The following NLGN4X variants were observed in gnomAD, a reference collection of about 807,000 sequenced individuals.
The protein encoded by NLGN4X is neuroligin 4 X-linked.
In NLGN4X, 3 loss-of-function variants were observed where a neutral mutation model predicts 40.3. The ratio of observed to expected loss-of-function variants is 0.07; its 90% CI spans 0.03 to 0.19. NLGN4X has a LOEUF of 0.19. NLGN4X is among the 10% of genes least tolerant of loss of function. The pLI is 1.00. For synonymous variants in NLGN4X, 270 were observed against 306.8 expected, an observed-to-expected ratio of 0.88 and a Z score of 1.25; for missense variants, 382 against 708.3, an observed-to-expected ratio of 0.54 and a Z score of 5.23.
At chrX:6,027,955 T>G (rs1420801991) in intron 3 of NLGN4X, among the ~76,000 whole-genome samples, 1 of 110,141 alleles carries the variant, frequency 9.1e-6, no homozygotes, top group Non-Finnish European at 1.9e-5. Flanking sequence ...TAGCTGGGAT[T>G]ACAGGCGCCT....
chrX:5,956,167 A>G (rs999640724), intron 3 of NLGN4X, among the ~76,000 whole-genome samples: 33 of 107,872 alleles, frequency 3.1e-4, no homozygotes, highest in African/African-American at 1.1e-3. Flanking sequence ...AATATGAAAT[A>G]TATATATTTA....
intron 3 of NLGN4X, among the ~76,000 whole-genome samples, chrX:5,975,591 C>T (rs753774049): frequency 1.2e-4 from 11 of 90,487 alleles, no homozygotes; most frequent in African/African-American, 5.0e-4. Flanking sequence ...CCAGCCTGGG[C>T]GACAAAGCAA....
chrX:6,086,095 T>C (rs776806705), intron 2 of NLGN4X, among the ~76,000 whole-genome samples: 162 of 112,028 alleles, frequency 1.4e-3, no homozygotes, highest in African/African-American at 5.1e-3. Flanking sequence ...TAGGTTATGA[T>C]TGCATGAAGC....
intron 3 of NLGN4X, among the ~76,000 whole-genome samples, chrX:5,939,434 G>A: frequency 9.0e-6 from 1 of 111,072 alleles, no homozygotes; most frequent in Non-Finnish European, 1.9e-5. Flanking sequence ...CTGGTTTAGG[G>A]TTAATGCTAA....
Position 6,076,488 on chromosome X carries a change from T to G in NLGN4X, c.473-47056A>C, listed in dbSNP as rs530011936. On this transcript the variant is annotated intron_variant, in intron 2 of 5. Transcript: ENST00000381095. ...TGGCAATTTTTCTGGTTGTTCTCAT[T>G]GTTTGTTTCAGAGTTCCATGAAAGG... is the stretch of plus-strand genomic sequence containing the variant. Among the ~76,000 whole-genome samples, 5 of 112,053 alleles carry G rather than the reference T, an allele frequency of 4.5e-5. No homozygotes were observed. The South Asian group carries it at 1.9e-3, about 42-fold the overall frequency.
At chrX:6,101,471 G>A (rs1386782640) in intron 2 of NLGN4X, among the ~76,000 whole-genome samples, 1 of 112,065 alleles carries the variant, frequency 8.9e-6, no homozygotes, top group Non-Finnish European at 1.9e-5. Flanking sequence ...TATACACAAT[G>A]GAGTATTGTT....
At position 5,941,178 on chromosome X, in the gene NLGN4X, GGGGTGTGTGTGTGT is replaced by G. The variant is rs1343730614; in HGVS notation, c.626-31953_626-31940del. 5.2e-3 allele frequency among the ~76,000 whole-genome samples: 268 copies of G among 51,990 alleles called. 3 individuals carry two copies. The highest frequency in any genetic ancestry group is 0.023 in the Middle Eastern group (3 of 131). 45.1% of individuals were successfully genotyped at this position (51,990 alleles called of 115,157 possible). The stretch of plus-strand genomic sequence containing the variant: ...AACGTTGTTCTGGATCGTATGCTAG[GGGGTGTGTGTGTGT>G]GTGTGTGTGTGTGTGTGTGTGTGTG... On this transcript the variant is annotated intron_variant, in intron 3 of 5. Coordinates refer to ENST00000381095, the MANE Select transcript of NLGN4X (RefSeq NM_181332.3).
At chrX:5,931,790 T>G (rs1223115078) in intron 3 of NLGN4X, among the ~76,000 whole-genome samples, 3 of 111,551 alleles carry the variant, frequency 2.7e-5, no homozygotes, top group Non-Finnish European at 3.8e-5. Flanking sequence ...ATGAAATCAG[T>G]AAGCTATAAG....
At chrX:6,140,810 TCAA>T (rs1160348748) in intron 2 of NLGN4X, among the ~76,000 whole-genome samples, 2 of 108,505 alleles carry the variant, frequency 1.8e-5, no homozygotes, top group Non-Finnish European at 3.8e-5. Flanking sequence ...ACTCCTGGGC[TCAA>T]GCAATCCACC....
At position 6,048,834 on chromosome X, in the gene NLGN4X, G is replaced by A. The variant is rs754319656; in HGVS notation, c.473-19402C>T. Among the ~76,000 whole-genome samples the A allele has an allele frequency of 5.7e-5, 6 of 104,371 alleles. No individual in the cohort carries two copies. The South Asian group carries it at 3.0e-3, about 52-fold the overall frequency. 90.6% of individuals were successfully genotyped at this position (104,371 alleles called of 115,157 possible). A position where few individuals can be genotyped will look rare whatever the true frequency, so the allele number is the denominator to read the frequency against. On this transcript the variant is annotated intron_variant, in intron 2 of 5. Transcript: ENST00000381095. Reference sequence around the variant, plus strand: ...ACAGGGAGGGAAACAACACACACTAGGGTCTGTCAGGGAGGGCGGGGGGAA... The same window carrying A: ...ACAGGGAGGGAAACAACACACACTAAGGTCTGTCAGGGAGGGCGGGGGGAA...
At chrX:6,020,512 A>G (rs1211867359) in intron 3 of NLGN4X, among the ~76,000 whole-genome samples, 1 of 112,163 alleles carries the variant, frequency 8.9e-6, no homozygotes, top group Non-Finnish European at 1.9e-5. Flanking sequence ...GTTGGCAGGA[A>G]AAAGTTCAAA....
intron 3 of NLGN4X, among the ~76,000 whole-genome samples, chrX:5,995,758 G>T (rs1470640203): frequency 9.0e-6 from 1 of 111,626 alleles, no homozygotes; most frequent in Non-Finnish European, 1.9e-5. Flanking sequence ...GGTCAGGCAG[G>T]GTTTAGAATG....
intron 3 of NLGN4X, among the ~76,000 whole-genome samples, chrX:6,009,044 C>A (rs1298050786): frequency 9.2e-6 from 1 of 108,457 alleles, no homozygotes; most frequent in South Asian, 4.1e-4. Context: ...CTTTTAAGGG[C>A]TGAATAATAT....
intron 3 of NLGN4X, among the ~76,000 whole-genome samples, chrX:6,023,550 A>C (rs1339273793): frequency 8.9e-6 from 1 of 112,179 alleles, no homozygotes; most frequent in Non-Finnish European, 1.9e-5. Context: ...CCCGGGTTTC[A>C]GTCCCTGCTC....
At position 6,045,019 on chromosome X, in the gene NLGN4X, T is replaced by C. The variant is rs745924271; in HGVS notation, c.473-15587A>G. On this transcript the variant is annotated intron_variant, in intron 2 of 5. Transcript: ENST00000381095. The stretch of plus-strand genomic sequence containing the variant: ...GTTGGCAAAGCATACTCCAATAAAA[T>C]ATAAAGTGTATTGAAAGAATTAAAA... Among the ~76,000 whole-genome samples, 34 of 111,984 alleles carry C rather than the reference T, an allele frequency of 3.0e-4. No homozygotes were observed. The Admixed American group carries it at 3.2e-3, about 11-fold the overall frequency.
At chrX:6,103,851 C>T (rs1410541805) in intron 2 of NLGN4X, among the ~76,000 whole-genome samples, 1 of 112,390 alleles carries the variant, frequency 8.9e-6, no homozygotes, top group Non-Finnish European at 1.9e-5. Context: ...CACAGTATCT[C>T]TAAAGCACAC....
chrX:5,903,154 G>A lies in NLGN4X; in HGVS notation c.1524C>T (p.Phe508=), dbSNP rs1206321464. The change falls in exon 5 of 6, where the codon TTC becomes TTT. Residue 508 remains phenylalanine (F), a synonymous_variant. Coordinates refer to ENST00000381095, the MANE Select transcript of NLGN4X (RefSeq NM_181332.3). ...GIPMIGPTEL[F]SCNFSKNDVM... ...CGTCGTTCTTGGAAAAGTTACAACTGAAGAGCTCGGTGGGACCGATCATGG... is the reference window on the plus strand; with the variant it reads ...CGTCGTTCTTGGAAAAGTTACAACTAAAGAGCTCGGTGGGACCGATCATGG... 8.3e-7 allele frequency: 1 copy of A among 1,210,588 alleles called. No homozygotes were observed. The highest frequency in any genetic ancestry group is 1.1e-6 in the Non-Finnish European group (1 of 895,372).
intron 1 of NLGN4X, among the ~76,000 whole-genome samples, chrX:6,184,920 C>T (rs1445109357): frequency 8.9e-6 from 1 of 112,141 alleles, no homozygotes; most frequent in Non-Finnish European, 1.9e-5. Flanking sequence ...AGGGGCACTG[C>T]CTGCCCTTCT....
At chrX:6,205,187 G>A (rs936610162) in intron 1 of NLGN4X, among the ~76,000 whole-genome samples, 1 of 112,163 alleles carries the variant, frequency 8.9e-6, no homozygotes, top group African/African-American at 3.2e-5. Flanking sequence ...CCATACCTAC[G>A]AATTCTCATA....
Sources: allele counts gnomAD v4.1 joint callset (sites outside exome capture counted in the v4.1 genomes callset), GRCh38; gene constraint gnomAD v4.1.1; transcripts MANE v1.5; gene names NCBI Gene and HGNC (gene_info 2026-07-23, HGNC 2026-07-21).